MYO9B: variants seen among roughly 807,000 people sequenced by gnomAD.
MYO9B encodes unconventional myosin-IXb.
Under a neutral mutation model 229.5 loss-of-function variants are expected in MYO9B, and 71 were observed. That is an observed-to-expected ratio of 0.31 (90% CI 0.26 to 0.38). The LOEUF is 0.38. Ranked by LOEUF, MYO9B falls within the 10% of genes least tolerant of loss-of-function variation. MYO9B has a pLI of 1.00. For synonymous variants in MYO9B, 1,185 were observed against 1,235.8 expected (o/e 0.96, Z 0.86); for missense variants, 2,255 against 2,920.5 (o/e 0.77, Z 5.25).
intron 18 of MYO9B, 59 bp from the exon 19 acceptor site, chr19:17,187,876 G>C: frequency 7.0e-7 from 1 of 1,438,604 alleles, no homozygotes; most frequent in South Asian, 1.2e-5. Flanking sequence ...GCCAGCAACA[G>C]ACTTGGGCAT....
At position 17,172,342 on chromosome 19, in the gene MYO9B, C is replaced by G; in HGVS notation, c.1800C>G (p.Pro600=). 6.2e-7 allele frequency: 1 copy of G among 1,613,958 alleles called. No homozygotes were observed. The highest frequency in any genetic ancestry group is 8.5e-7 in the Non-Finnish European group (1 of 1,179,852). ...FYLLDEESNF[P]HATSQTLLAK... ...TTCCATGTTCTGTTCCCAGCTTCCC[C>G]CACGCCACGAGCCAGACCCTGCTGG... The change falls in exon 12 of 40, where the codon CCC becomes CCG. Residue 600 remains proline, a synonymous_variant. Coordinates refer to ENST00000682292, the MANE Select transcript of MYO9B (RefSeq NM_004145.4). The surrounding 1 kb of genome is among the most constrained non-coding windows in gnomAD (Gnocchi z 8.2).
In MYO9B at chr19:17,096,210, C is replaced by T. The variant is rs866363385; in HGVS notation, c.-58-5450C>T. On this transcript the variant is annotated intron_variant, in intron 1 of 39. Transcript: ENST00000682292. ...CCATGGTGTGGTCAGTGTGTTCATTCGGTGGGTGGACATTTGGGTTCTCAG... is the reference window on the plus strand; with the variant it reads ...CCATGGTGTGGTCAGTGTGTTCATTTGGTGGGTGGACATTTGGGTTCTCAG... Among the ~76,000 whole-genome samples, 6 of 152,090 alleles carry T rather than the reference C, an allele frequency of 3.9e-5. No individual in the cohort carries two copies. In the East Asian group the frequency reaches 5.8e-4, roughly 15 times the overall value.
chr19:17,120,654 A>AT (rs971107210), intron 2 of MYO9B, among the ~76,000 whole-genome samples: 1 of 151,692 alleles, frequency 6.6e-6, no homozygotes, highest in African/African-American at 2.4e-5. Context: ...AAAAAAAAAA[A>AT]AAAAAAAAGA....
intron 2 of MYO9B, among the ~76,000 whole-genome samples, chr19:17,114,571 A>G (rs1414238205): frequency 6.6e-6 from 1 of 152,190 alleles, no homozygotes; most frequent in Non-Finnish European, 1.5e-5. Flanking sequence ...CCCATGCCAA[A>G]AACCGCAGTC....
chr19:17,100,224 C>T (rs946418494), intron 1 of MYO9B, among the ~76,000 whole-genome samples: 1 of 151,990 alleles, frequency 6.6e-6, no homozygotes, highest in Non-Finnish European at 1.5e-5. Context: ...AATCCCAGCA[C>T]TTAGGGAAGT....
At chr19:17,139,817 G>A (rs1193625701) in intron 2 of MYO9B, among the ~76,000 whole-genome samples, 3 of 152,224 alleles carry the variant, frequency 2.0e-5, no homozygotes, top group Admixed American at 6.5e-5. Flanking sequence ...CAAGGCAGGC[G>A]GATCACCTGA....
At chr19:17,122,329 A>C (rs1432953429) in intron 2 of MYO9B, among the ~76,000 whole-genome samples, 1 of 152,162 alleles carries the variant, frequency 6.6e-6, no homozygotes, top group Non-Finnish European at 1.5e-5. Context: ...ACCTGAGGTC[A>C]GGAGTTCGAG....
chr19:17,212,489 GCC>G lies in MYO9B; in HGVS notation c.*180_*181del. ...TCAAGGCAGGGAGAGGCCGGCTGGA[GCC>G]AGGCCCCCTCGCACGCAGCCCCCAA... On this transcript the variant is annotated 3_prime_UTR_variant, in exon 40 of 40. Coordinates refer to ENST00000682292, the MANE Select transcript of MYO9B (RefSeq NM_004145.4). This position sits in a 1 kb window ranked among gnomAD's most constrained non-coding sequence, Gnocchi z 5.4. 2.9e-6 allele frequency: 2 copies of G among 696,402 alleles called. No homozygotes were observed. Among genetic ancestry groups the G allele is most frequent in the Non-Finnish European group, 4.4e-6 (2 of 457,918 alleles). 43.1% of individuals were successfully genotyped at this position (696,402 alleles called of 1,614,324 possible).
rs556576165 is a variant in MYO9B at position 17,174,771 on chromosome 19, A to G, written c.2141-892A>G. On this transcript the variant is annotated intron_variant, in intron 13 of 39. Transcript: ENST00000682292. The stretch of plus-strand genomic sequence containing the variant: ...AACATAGTGAAACCCCGTCTCTAGT[A>G]AAAATACAAAAAATTAGCCAGGTGC... Among the ~76,000 whole-genome samples the G allele has an allele frequency of 2.0e-5, 3 of 150,408 alleles. No individual in the cohort carries two copies. The East Asian group carries it at 6.0e-4, about 30-fold the overall frequency.
At chr19:17,099,530 C>T (rs1431214304) in intron 1 of MYO9B, among the ~76,000 whole-genome samples, 2 of 151,256 alleles carry the variant, frequency 1.3e-5, no homozygotes, top group Admixed American at 6.6e-5. Context: ...ATCGTTTGAG[C>T]TTAGGAGTTC....
rs533450900 is a variant in MYO9B, at chr19:17,207,363, G to A, written c.5624+119G>A. 348 of 1,354,416 alleles carry A rather than the reference G, an allele frequency of 2.6e-4. No homozygotes were observed. The African/African-American group carries it at 3.3e-3, about 13-fold the overall frequency. 83.9% of individuals were successfully genotyped at this position (1,354,416 alleles called of 1,614,324 possible). ...AGAAAAGTCCAGAGCCGAGTGCAGC[G>A]GTTCACACCTGTAATCCTAGCTACT... On this transcript the variant is annotated intron_variant, in intron 35 of 39. Coordinates refer to ENST00000682292, the MANE Select transcript of MYO9B (RefSeq NM_004145.4).
intron 10 of MYO9B, among the ~76,000 whole-genome samples, chr19:17,167,333 A>G (rs890208762): frequency 7.9e-5 from 12 of 151,176 alleles, no homozygotes; most frequent in African/African-American, 2.4e-4. Context: ...GGATCTTGCT[A>G]TGTTGTCCAG....
At chr19:17,206,503 C>T in intron 33 of MYO9B, 127 bp downstream of exon 33, 1 of 1,422,796 alleles carries the variant, frequency 7.0e-7, no homozygotes, top group Non-Finnish European at 9.4e-7. Flanking sequence ...AAGCAGTCGG[C>T]CCAGCCAAAC....
chr19:17,131,023 T>C (rs1175940421), intron 2 of MYO9B, among the ~76,000 whole-genome samples: 1 of 152,104 alleles, frequency 6.6e-6, no homozygotes, highest in East Asian at 1.9e-4. Flanking sequence ...ATACCCCAGG[T>C]ACTATCTGAT....
chr19:17,206,827 T>C (rs545602451), intron 34 of MYO9B, 43 bp downstream of exon 34: 4 of 1,484,108 alleles, frequency 2.7e-6, no homozygotes, highest in East Asian at 2.5e-5. Context: ...TAGGGTCGCA[T>C]TGGGAACCCG....
In MYO9B at chr19:17,197,754, C is replaced by G; in HGVS notation, c.4047-38C>G. The G allele has an allele frequency of 1.9e-6, 3 of 1,606,812 alleles. No homozygotes were observed. In the South Asian group the frequency reaches 3.3e-5, roughly 18 times the overall value. Reference sequence around the variant, plus strand: ...AAGACAAGAAAATGCCACTGACTCACTCTAGTCAGTAAAAGCCATGTTTCT... The same window carrying G: ...AAGACAAGAAAATGCCACTGACTCAGTCTAGTCAGTAAAAGCCATGTTTCT... On this transcript the variant is annotated intron_variant, in intron 22 of 39. Transcript: ENST00000682292.
Position 17,162,449 on chromosome 19 carries a change from G to A in MYO9B, c.1519G>A (p.Val507Met), listed in dbSNP as rs200137248. 10 of 1,571,674 alleles carry A rather than the reference G, an allele frequency of 6.4e-6. 1 individual carries two copies. The highest frequency in any genetic ancestry group is 4.1e-5 in the African/African-American group (3 of 73,862). Residue 507 changes from valine to methionine, a missense_variant, in exon 9 of 40, where the codon GTG becomes ATG. Physicochemically the swap from Val to Met is conservative, Grantham distance 21. Transcript: ENST00000682292. ...CCACGCACTCCTCAACAAGAAGGAC[G>A]TGGAAGAGGCAGTCTCGGTGAGTGC... ...INHALLNKKD[V>M]EEAVSCLSIG...
At chr19:17,108,164 C>T (rs919737528) in intron 2 of MYO9B, among the ~76,000 whole-genome samples, 6 of 152,216 alleles carry the variant, frequency 3.9e-5, no homozygotes, top group African/African-American at 1.2e-4. Flanking sequence ...GTCAGACCCC[C>T]GGTCCTGCCA....
At chr19:17,146,048 T>C (rs1426141990) in intron 3 of MYO9B, among the ~76,000 whole-genome samples, 3 of 151,638 alleles carry the variant, frequency 2.0e-5, no homozygotes, top group Non-Finnish European at 4.4e-5. Flanking sequence ...GATTTATGGA[T>C]GGATGGATGG....
Sources: allele counts gnomAD v4.1 joint callset (sites outside exome capture counted in the v4.1 genomes callset), GRCh38; gene constraint gnomAD v4.1.1; non-coding constraint Gnocchi (gnomAD v3.1); transcripts MANE v1.5; gene names NCBI Gene and HGNC (gene_info 2026-07-23, HGNC 2026-07-21).